Variants in PNLIPRP3 observed in about 807,000 individuals in gnomAD.
PNLIPRP3 encodes pancreatic lipase-related protein 3.
A neutral mutation model predicts 52.8 loss-of-function variants in PNLIPRP3; 58 were observed. That is an observed-to-expected ratio of 1.10 (90% CI 0.89 to 1.37). The LOEUF is 1.37. Ranked by LOEUF, PNLIPRP3 falls within the 40% of genes most tolerant of loss-of-function variation. The pLI is 0.00. For synonymous variants in PNLIPRP3, 192 were observed against 185.0 expected (o/e 1.04, Z -0.31); for missense variants, 593 against 561.6 (o/e 1.06, Z -0.57).
chr10:116,438,125 G>A (rs1388199022), intron 2 of PNLIPRP3, among the ~76,000 whole-genome samples: 5 of 152,166 alleles, frequency 3.3e-5, no homozygotes, highest in Non-Finnish European at 4.4e-5. Flanking sequence ...TTCTGGATAG[G>A]TGGGGCTTGA....
At position 116,461,211 on chromosome 10, in the gene PNLIPRP3, A is replaced by G; in HGVS notation, c.729A>G (p.Pro243=). The G allele has an allele frequency of 6.2e-7, 1 of 1,614,012 alleles. No homozygotes were observed. Among genetic ancestry groups the G allele is most frequent in the Non-Finnish European group, 8.5e-7 (1 of 1,179,972 alleles). ...CTTGTGGTCATCTTGACTTTTACCC[A>G]AATGGAGGGAAGCACATGCCAGGAT... is the stretch of plus-strand genomic sequence containing the variant. ...IDACGHLDFY[P]NGGKHMPGCE... The change falls in exon 7 of 12, where the codon CCA becomes CCG. Residue 243 remains proline (P), a synonymous_variant. Coordinates refer to ENST00000369230, the MANE Select transcript of PNLIPRP3 (RefSeq NM_001011709.3).
chr10:116,475,370 C>A (rs1846447034), intron 10 of PNLIPRP3, among the ~76,000 whole-genome samples: 1 of 152,096 alleles, frequency 6.6e-6, no homozygotes, highest in African/African-American at 2.4e-5. Context: ...GTAATCTGTA[C>A]AACAGACACA....
Position 116,436,596 on chromosome 10 carries a change from A to C in PNLIPRP3, c.50-115A>C, listed in dbSNP as rs1845777153. The C allele has an allele frequency of 7.4e-6, 8 of 1,080,472 alleles. No individual in the cohort carries two copies. The Admixed American group carries it at 2.1e-4, about 28-fold the overall frequency. The allele number at this position is 1,080,472 out of a possible 1,614,324, so 66.9% of individuals were successfully genotyped here. On this transcript the variant is annotated intron_variant, in intron 1 of 11. Transcript: ENST00000369230. ...ATAGGAGAAAATATTTTCAAGCCAT[A>C]AATCCAATAAGGGGTTAATTTCCAA...
chr10:116,465,362 C>A (rs1021352906), intron 7 of PNLIPRP3, among the ~76,000 whole-genome samples: 1 of 152,016 alleles, frequency 6.6e-6, no homozygotes, highest in African/African-American at 2.4e-5. Flanking sequence ...TGGTGAAACC[C>A]CGTCTCTACT....
chr10:116,444,757 G>C (rs994338264), intron 4 of PNLIPRP3, among the ~76,000 whole-genome samples: 1 of 152,176 alleles, frequency 6.6e-6, no homozygotes, highest in Non-Finnish European at 1.5e-5. Context: ...AACTGCCCCC[G>C]CAAGGTCACT....
At chr10:116,433,012 G>C (rs556737101) in intron 1 of PNLIPRP3, among the ~76,000 whole-genome samples, 25 of 148,050 alleles carry the variant, frequency 1.7e-4, no homozygotes, top group African/African-American at 5.9e-4. Context: ...TACGCGGGAG[G>C]CTGAAGCAGG....
In PNLIPRP3 at chr10:116,427,880, G is replaced by C; in HGVS notation, c.-133G>C. ...TGCAGAGCATAAGGTGGAATAACAT[G>C]TTCTTTTAAACGTAGAGTTTAAACA... On this transcript the variant is annotated 5_prime_UTR_variant, in exon 1 of 12. The change abolishes an upstream ATG in the 5' untranslated region. Transcript: ENST00000369230. 1 of 710,106 alleles carries C rather than the reference G, an allele frequency of 1.4e-6. No individual in the cohort carries two copies. Among genetic ancestry groups the C allele is most frequent in the Admixed American group, 2.4e-5 (1 of 41,038 alleles). 44.0% of individuals were successfully genotyped at this position (710,106 alleles called of 1,614,324 possible). A position where few individuals can be genotyped will look rare whatever the true frequency, so the allele number is the denominator to read the frequency against.
intron 1 of PNLIPRP3, among the ~76,000 whole-genome samples, chr10:116,430,377 T>C (rs1028630947): frequency 1.3e-5 from 2 of 152,116 alleles, no homozygotes; most frequent in Admixed American, 6.6e-5. Flanking sequence ...AAATATGATA[T>C]GATGGCTGGG....
chr10:116,465,979 T>C, intron 7 of PNLIPRP3, 71 bp from the exon 8 acceptor site: 1 of 1,141,736 alleles, frequency 8.8e-7, no homozygotes, highest in Admixed American at 1.7e-5. Flanking sequence ...ACAGTTACTG[T>C]TTCTAAGATA....
intron 8 of PNLIPRP3, among the ~76,000 whole-genome samples, chr10:116,467,843 C>T (rs1371456953): frequency 1.3e-5 from 2 of 151,912 alleles, no homozygotes; most frequent in East Asian, 3.9e-4. Flanking sequence ...AAAGTAATGT[C>T]GGCCGGGCGC....
At chr10:116,453,630 T>C (rs1434132422) in intron 4 of PNLIPRP3, among the ~76,000 whole-genome samples, 4 of 152,076 alleles carry the variant, frequency 2.6e-5, no homozygotes, top group Admixed American at 1.3e-4. Flanking sequence ...AGTGAGTACT[T>C]GCTCGGTTAG....
chr10:116,460,544 G>A (rs1333120175), intron 5 of PNLIPRP3, among the ~76,000 whole-genome samples: 1 of 152,132 alleles, frequency 6.6e-6, no homozygotes, highest in Non-Finnish European at 1.5e-5. Flanking sequence ...CATAGCTCAG[G>A]ACAAGGATTC....
chr10:116,434,128 C>A (rs1845745889), intron 1 of PNLIPRP3, among the ~76,000 whole-genome samples: 1 of 152,062 alleles, frequency 6.6e-6, no homozygotes, highest in Non-Finnish European at 1.5e-5. Context: ...AAAGAAAAAA[C>A]CAGACTGGGC....
intron 1 of PNLIPRP3, among the ~76,000 whole-genome samples, chr10:116,431,167 G>A (rs1309383991): frequency 6.6e-6 from 1 of 152,018 alleles, no homozygotes; most frequent in South Asian, 2.1e-4. Context: ...CCACACCACT[G>A]CTACCACCCT....
intron 7 of PNLIPRP3, among the ~76,000 whole-genome samples, chr10:116,462,846 C>T (rs1046265492): frequency 3.3e-5 from 5 of 152,056 alleles, no homozygotes; most frequent in African/African-American, 1.2e-4. Flanking sequence ...TTATCATAAG[C>T]TATCATTTTG....
Position 116,461,170 on chromosome 10 carries a change from G to A in PNLIPRP3, c.688G>A (p.Val230Ile). The change falls in exon 7 of 12, where the codon GTT becomes ATT. Residue 230 changes from valine (V) to isoleucine (I), a missense_variant and splice_region_variant. Val to Ile is a conservative substitution (Grantham distance 29, BLOSUM62 3). Coordinates refer to ENST00000369230, the MANE Select transcript of PNLIPRP3 (RefSeq NM_001011709.3). ...TACCCTGTTTTTATTTATTTCAGGT[G>A]TTGGAACCATTGATGCTTGTGGTCA... is the stretch of plus-strand genomic sequence containing the variant. ...NAARILFELG[V>I]GTIDACGHLD... The A allele has an allele frequency of 6.2e-7, 1 of 1,614,218 alleles. No homozygotes were observed. Among genetic ancestry groups the A allele is most frequent in the African/African-American group, 1.3e-5 (1 of 75,066 alleles).
At chr10:116,464,104 T>C (rs555685533) in intron 7 of PNLIPRP3, among the ~76,000 whole-genome samples, 1 of 152,374 alleles carries the variant, frequency 6.6e-6, no homozygotes, top group Non-Finnish European at 1.5e-5. Flanking sequence ...ATCCTAACTA[T>C]TGATGGCAAT....
chr10:116,449,336 T>A (rs997474801), intron 4 of PNLIPRP3, among the ~76,000 whole-genome samples: 1 of 152,234 alleles, frequency 6.6e-6, no homozygotes, highest in African/African-American at 2.4e-5. Flanking sequence ...CTACATGCTG[T>A]CTACAAGAGA....
In PNLIPRP3 at chr10:116,469,181, T is replaced by C; in HGVS notation, c.928-4T>C. On this transcript the variant is annotated splice_polypyrimidine_tract_variant and splice_region_variant and intron_variant, in intron 8 of 11. Transcript: ENST00000369230. ...AGTAATCACCTTTCATTTTCTGTCATCAGGGAAATTGCTTCTTTTGTTCCA... is the reference window on the plus strand; with the variant it reads ...AGTAATCACCTTTCATTTTCTGTCACCAGGGAAATTGCTTCTTTTGTTCCA... The C allele has an allele frequency of 1.7e-5, 27 of 1,610,044 alleles. No homozygotes were observed. The highest frequency in any genetic ancestry group is 2.3e-5 in the Non-Finnish European group (27 of 1,178,856).
Sources: allele counts gnomAD v4.1 joint callset (sites outside exome capture counted in the v4.1 genomes callset), GRCh38; gene constraint gnomAD v4.1.1; transcripts MANE v1.5; gene names NCBI Gene and HGNC (gene_info 2026-07-23, HGNC 2026-07-21).